The following BCKDHB variants were observed in gnomAD, a reference collection of about 807,000 sequenced individuals.
The protein encoded by BCKDHB is 2-oxoisovalerate dehydrogenase subunit beta, mitochondrial.
A neutral mutation model predicts 48.5 loss-of-function variants in BCKDHB; 41 were observed. The observed-to-expected ratio is 0.85, with a 90% CI of 0.66 to 1.10. BCKDHB has a LOEUF of 1.10. BCKDHB is among the 50% of genes least tolerant of loss of function. The probability of loss-of-function intolerance (pLI) is 0.00; values close to 1 mark genes in which losing one functional copy is unlikely to be tolerated. For missense variants in BCKDHB, 496 were observed against 494.2 expected, an observed-to-expected ratio of 1.00 and a Z score of -0.03; for synonymous variants, 201 against 174.8, an observed-to-expected ratio of 1.15 and a Z score of -1.18.
At chr6:80,256,071 A>T (rs1777037076) in intron 8 of BCKDHB, among the ~76,000 whole-genome samples, 2 of 152,148 alleles carry the variant, frequency 1.3e-5, no homozygotes, top group Admixed American at 6.5e-5. Context: ...TTCTCTTTGG[A>T]TCGTCAAAGT....
intron 8 of BCKDHB, among the ~76,000 whole-genome samples, chr6:80,257,836 AAT>A (rs1777118223): frequency 6.6e-6 from 1 of 152,098 alleles, no homozygotes; most frequent in Admixed American, 6.6e-5. Context: ...CAGCCCAGCA[AAT>A]AGACGGGCAC....
chr6:80,424,781 T>C, the BCKDHB span, among the ~76,000 whole-genome samples: 12 of 152,202 alleles, frequency 7.9e-5, no homozygotes, highest in African/African-American at 2.9e-4. Flanking sequence ...TAGAATTTTT[T>C]AGCAAAGGGT....
intron 4 of BCKDHB, 152 bp downstream of exon 4, chr6:80,167,963 AAGATC>A: frequency 1.1e-6 from 1 of 911,308 alleles, no homozygotes; most frequent in Middle Eastern, 2.5e-4. Flanking sequence ...CATATATTTA[AAGATC>A]TAATAGAATA....
In BCKDHB at chr6:80,136,475, C is replaced by A. The variant is rs140995199; in HGVS notation, c.343+7246C>A. 1.7e-3 allele frequency among the ~76,000 whole-genome samples: 265 copies of A among 152,092 alleles called. 1 individual carries two copies. Among genetic ancestry groups the A allele is most frequent in the African/African-American group, 6.0e-3 (251 of 41,518 alleles). On this transcript the variant is annotated intron_variant, in intron 3 of 9. Coordinates refer to ENST00000320393, the MANE Select transcript of BCKDHB (RefSeq NM_183050.4). ...ACAAAAATGAACTCAAAATAGATCA[C>A]AGACTTAAATGTAAAACTATAAAAC...
At chr6:80,424,482 A>G in the BCKDHB span, among the ~76,000 whole-genome samples, 10 of 152,316 alleles carry the variant, frequency 6.6e-5, no homozygotes, top group African/African-American at 2.4e-4. Context: ...ATCATTTGAT[A>G]TTATATAATT....
intron 8 of BCKDHB, chr6:80,251,678 T>A (rs1776844236): frequency 6.6e-6 from 1 of 152,174 alleles, no homozygotes; most frequent in Non-Finnish European, 1.5e-5. Flanking sequence ...AAAAAATTAT[T>A]CTTAGGGTCT....
At chr6:80,106,937 A>G in intron 1 of BCKDHB, 48 bp downstream of exon 1, 1 of 1,564,156 alleles carries the variant, frequency 6.4e-7, no homozygotes, top group Non-Finnish European at 8.7e-7. Flanking sequence ...CCGGACTCCC[A>G]GGCTCGCAGG....
chr6:80,347,003 G>GAAAA (rs201565085), downstream of BCKDHB, among the ~76,000 whole-genome samples: 41 of 143,490 alleles, frequency 2.9e-4, 1 homozygote, highest in South Asian at 4.4e-4. Flanking sequence ...AAAGCAAAAA[G>GAAAA]AAAAAAAAAA....
At chr6:80,231,672 A>G (rs1775929722) in intron 8 of BCKDHB, among the ~76,000 whole-genome samples, 2 of 152,180 alleles carry the variant, frequency 1.3e-5, no homozygotes, top group African/African-American at 4.8e-5. Context: ...ATAAAGTATA[A>G]GAAAGTGGTT....
intron 8 of BCKDHB, 98 bp downstream of exon 8, chr6:80,203,310 G>T: frequency 1.1e-6 from 1 of 908,728 alleles, no homozygotes; most frequent in East Asian, 2.5e-5. Context: ...TGAGCTATGT[G>T]AGCATTTTCA....
intron 9 of BCKDHB, among the ~76,000 whole-genome samples, chr6:80,289,788 T>C (rs1301447294): frequency 6.6e-6 from 1 of 152,098 alleles, no homozygotes; most frequent in Admixed American, 6.5e-5. Flanking sequence ...TTGGACAGCA[T>C]GGAGCCCAAA....
intron 9 of BCKDHB, among the ~76,000 whole-genome samples, chr6:80,324,716 A>G (rs191315316): frequency 6.6e-6 from 1 of 152,028 alleles, no homozygotes; most frequent in East Asian, 1.9e-4. Context: ...TGTCTACAAT[A>G]CTGCTATCCT....
At chr6:80,414,745 A>G in the BCKDHB span, among the ~76,000 whole-genome samples, 1 of 152,052 alleles carries the variant, frequency 6.6e-6, no homozygotes, top group African/African-American at 2.4e-5. Context: ...GGGGCTCTTT[A>G]TGGTTCCATA....
intron 4 of BCKDHB, among the ~76,000 whole-genome samples, chr6:80,168,358 G>C (rs1420603682): frequency 1.4e-5 from 2 of 142,990 alleles, no homozygotes; most frequent in African/African-American, 5.2e-5. Flanking sequence ...AGAGAGGAGA[G>C]GAGAGAGGAA....
At chr6:80,184,617 T>G (rs1773558650) in intron 6 of BCKDHB, among the ~76,000 whole-genome samples, 1 of 152,210 alleles carries the variant, frequency 6.6e-6, no homozygotes, top group Non-Finnish European at 1.5e-5. Flanking sequence ...GAAGTTCTTG[T>G]AGTGCTAGCT....
At chr6:80,356,016 C>T in the BCKDHB span, 3 of 152,184 alleles carry the variant, frequency 2.0e-5, no homozygotes, top group African/African-American at 7.2e-5. Context: ...CACAACATCT[C>T]ATCAATATTT....
chr6:80,229,039 A>G (rs1280352277), intron 8 of BCKDHB, among the ~76,000 whole-genome samples: 1 of 152,178 alleles, frequency 6.6e-6, no homozygotes, highest in Non-Finnish European at 1.5e-5. Context: ...TCCTGAAGGC[A>G]TTCTCGTTAA....
At chr6:80,414,585 C>A in the BCKDHB span, among the ~76,000 whole-genome samples, 3 of 152,004 alleles carry the variant, frequency 2.0e-5, no homozygotes, top group Non-Finnish European at 4.4e-5. Flanking sequence ...TGCAGCCATA[C>A]TTCTGGGTTC....
At chr6:80,416,710 A>G in the BCKDHB span, among the ~76,000 whole-genome samples, 13 of 151,702 alleles carry the variant, frequency 8.6e-5, no homozygotes, top group African/African-American at 3.1e-4. Context: ...TATGTGATCA[A>G]TTTACAGTTG....
Sources: gnomAD v4.1 joint callset for allele counts (sites outside exome capture counted in the v4.1 genomes callset) on GRCh38, gnomAD v4.1.1 for gene constraint, MANE v1.5 for transcripts, NCBI Gene and HGNC (gene_info 2026-07-23, HGNC 2026-07-21) for gene names.